The following TMOD3 variants were observed in gnomAD, a reference collection of about 807,000 sequenced individuals.
TMOD3 encodes the protein tropomodulin 3, also known as tropomodulin-3.
Under a neutral mutation model 39.2 loss-of-function variants are expected in TMOD3, and 20 were observed. The ratio of observed to expected loss-of-function variants is 0.51; its 90% confidence interval spans 0.36 to 0.74. The LOEUF is 0.74. TMOD3 is among the 30% of genes least tolerant of loss of function. TMOD3 has a pLI of 0.00. For synonymous variants in TMOD3, 143 were observed against 145.8 expected, an observed-to-expected ratio of 0.98 and a Z score of 0.14; for missense variants, 381 against 412.8, an observed-to-expected ratio of 0.92 and a Z score of 0.67.
chr15:51,842,373 C>T (rs944784279), intron 1 of TMOD3, among the ~76,000 whole-genome samples: 1 of 152,182 alleles, frequency 6.6e-6, no homozygotes, highest in African/African-American at 2.4e-5. Context: ...GTCAACTTTA[C>T]GTATACAGCT....
In TMOD3 at chr15:51,855,362, T is replaced by C. The variant is rs144208032; in HGVS notation, c.-74-7449T>C. 4.0e-3 allele frequency among the ~76,000 whole-genome samples: 611 copies of C among 152,232 alleles called. 6 individuals are homozygous for C. The highest frequency in any genetic ancestry group is 0.014 in the African/African-American group (573 of 41,546). The stretch of plus-strand genomic sequence containing the variant: ...CACTGGGGGTGGGCCCAGGAATCTG[T>C]GTTTTAGCAAGCCCACCAGGAGATT... On this transcript the variant is annotated intron_variant, in intron 1 of 9. Coordinates refer to ENST00000308580, the MANE Select transcript of TMOD3 (RefSeq NM_014547.5).
rs1382698155 is a variant in TMOD3 at position 51,912,133 on chromosome 15, A to T, written c.*3323A>T. 1 of 152,234 alleles carries T rather than the reference A, an allele frequency of 6.6e-6. No homozygotes were observed. Among genetic ancestry groups the T allele is most frequent in the Non-Finnish European group, 1.5e-5 (1 of 68,042 alleles). 9.4% of individuals were successfully genotyped at this position (152,234 alleles called of 1,614,324 possible). On this transcript the variant is annotated 3_prime_UTR_variant, in exon 10 of 10. Coordinates refer to ENST00000308580, the MANE Select transcript of TMOD3 (RefSeq NM_014547.5). ...TCCATGACATAATAAAAATTATTTT[A>T]AAAAATGTTTTGGGCCGGGTGCGGT...
chr15:51,829,685 C>G lies in TMOD3; in HGVS notation c.-226C>G, dbSNP rs1446178925. On this transcript the variant is annotated 5_prime_UTR_variant, in exon 1 of 10. Coordinates refer to ENST00000308580, the MANE Select transcript of TMOD3 (RefSeq NM_014547.5). ...GAACCCACCGCACCTACAGGGCGGTCGAGTGAGGGAGCTGCTGGCGGGTGG... is the reference window on the plus strand; with the variant it reads ...GAACCCACCGCACCTACAGGGCGGTGGAGTGAGGGAGCTGCTGGCGGGTGG... The G allele has an allele frequency of 2.6e-5, 4 of 152,332 alleles. No homozygotes were observed. The highest frequency in any genetic ancestry group is 6.5e-5 in the Admixed American group (1 of 15,278). The allele number at this position is 152,332 out of a possible 1,614,324, so 9.4% of individuals were successfully genotyped here.
intron 3 of TMOD3, among the ~76,000 whole-genome samples, chr15:51,879,964 T>C (rs976556660): frequency 2.6e-5 from 4 of 151,698 alleles, no homozygotes. Context: ...TGCAAGACAT[T>C]GAGAGCACAA....
At chr15:51,892,349 A>C (rs1329769287) in intron 5 of TMOD3, 4 of 152,154 alleles carry the variant, frequency 2.6e-5, no homozygotes, top group Non-Finnish European at 5.9e-5. Context: ...TATCCATAAA[A>C]GTTTACCTAT....
chr15:51,913,056 T>G lies in TMOD3; in HGVS notation c.*4246T>G, dbSNP rs777468131. ...TGGTGCGATCTCAGCTCACTGCAGCTTCCACCTCCCAGATTCAAGTGATTC... is the reference window on the plus strand; with the variant it reads ...TGGTGCGATCTCAGCTCACTGCAGCGTCCACCTCCCAGATTCAAGTGATTC... On this transcript the variant is annotated 3_prime_UTR_variant, in exon 10 of 10. Transcript: ENST00000308580. The G allele has an allele frequency of 2.1e-4, 32 of 152,208 alleles. No homozygotes were observed. Among genetic ancestry groups the G allele is most frequent in the Admixed American group, 1.3e-3 (20 of 15,276 alleles). 9.4% of individuals were successfully genotyped at this position (152,208 alleles called of 1,614,324 possible).
chr15:51,893,718 TC>T lies in TMOD3; in HGVS notation c.497-96del, dbSNP rs2056606489. The T allele has an allele frequency of 3.3e-6, 4 of 1,209,330 alleles. No individual in the cohort carries two copies. In the South Asian group the frequency reaches 9.4e-5, roughly 29 times the overall value. 74.9% of individuals were successfully genotyped at this position (1,209,330 alleles called of 1,614,324 possible). ...AGGCGGAGCTTGCAGTGAGCCGAGA[TC>T]GTGCCACTGCACTCCGGCCTGGGCG... On this transcript the variant is annotated intron_variant, in intron 5 of 9. Coordinates refer to ENST00000308580, the MANE Select transcript of TMOD3 (RefSeq NM_014547.5).
rs183524048 is a variant in TMOD3, at chr15:51,845,884, T to C, written c.-75+16048T>C. On this transcript the variant is annotated intron_variant, in intron 1 of 9. Coordinates refer to ENST00000308580, the MANE Select transcript of TMOD3 (RefSeq NM_014547.5). ...AGCTTGGAGAAGGACTTCGGAGTAA[T>C]CAATCAAGGAGTCAGAAGGTACAGA... 1.8e-3 allele frequency among the ~76,000 whole-genome samples: 267 copies of C among 152,240 alleles called. 1 individual carries two copies. The highest frequency in any genetic ancestry group is 0.016 in the Admixed American group (244 of 15,280).
At chr15:51,870,877 A>G (rs773174551) in intron 3 of TMOD3, among the ~76,000 whole-genome samples, 2 of 152,198 alleles carry the variant, frequency 1.3e-5, no homozygotes, top group Non-Finnish European at 2.9e-5. Context: ...GGGAAGATTT[A>G]CTATTCTTGT....
At chr15:51,897,601 C>T (rs1399138219) in intron 7 of TMOD3, among the ~76,000 whole-genome samples, 3 of 150,348 alleles carry the variant, frequency 2.0e-5, no homozygotes, top group Non-Finnish European at 4.4e-5. Context: ...TCTCCTGCCT[C>T]AGCCTCCTGA....
rs921645817 is a variant in TMOD3 at position 51,911,881 on chromosome 15, A to G, written c.*3071A>G. 1 of 152,218 alleles carries G rather than the reference A, an allele frequency of 6.6e-6. No individual in the cohort carries two copies. The highest frequency in any genetic ancestry group is 1.5e-5 in the Non-Finnish European group (1 of 68,044). The allele number at this position is 152,218 out of a possible 1,614,324, so 9.4% of individuals were successfully genotyped here. A position where few individuals can be genotyped will look rare whatever the true frequency, so the allele number is the denominator to read the frequency against. Reference sequence around the variant, plus strand: ...ACACTTTCAAAGTTGCCTGTCATTTAAAAGACCAAATAAGCATTTTGTATT... The same window carrying G: ...ACACTTTCAAAGTTGCCTGTCATTTGAAAGACCAAATAAGCATTTTGTATT... On this transcript the variant is annotated 3_prime_UTR_variant, in exon 10 of 10. Coordinates refer to ENST00000308580, the MANE Select transcript of TMOD3 (RefSeq NM_014547.5).
At chr15:51,901,645 G>C (rs2056651439) in intron 8 of TMOD3, among the ~76,000 whole-genome samples, 1 of 147,408 alleles carries the variant, frequency 6.8e-6, no homozygotes, top group Admixed American at 6.8e-5. Context: ...GTGATGATTG[G>C]GTCAATGGGT....
In TMOD3 at chr15:51,887,616, C is replaced by T; in HGVS notation, c.311C>T (p.Pro104Leu). The T allele has an allele frequency of 6.2e-7, 1 of 1,613,414 alleles. No homozygotes were observed. The highest frequency in any genetic ancestry group is 8.5e-7 in the Non-Finnish European group (1 of 1,179,814). The stretch of plus-strand genomic sequence containing the variant: ...AAAATATTTATCCCCAAACAGAAAC[C>T]TGTACAGACTTTTACAGAAGAAAAA... ...KGKIFIPKQK[P>L]VQTFTEEKVS... Residue 104 changes from proline (P) to leucine (L), a missense_variant, in exon 4 of 10, where the codon CCT becomes CTT. Physicochemically the swap from Pro to Leu is moderately conservative, Grantham distance 98. Transcript: ENST00000308580.
At chr15:51,897,156 A>G (rs901589478) in intron 7 of TMOD3, among the ~76,000 whole-genome samples, 1 of 152,074 alleles carries the variant, frequency 6.6e-6, no homozygotes, top group Non-Finnish European at 1.5e-5. Flanking sequence ...TATCTCTTCA[A>G]CTTCTAAATA....
intron 3 of TMOD3, among the ~76,000 whole-genome samples, chr15:51,881,272 G>A (rs542553130): frequency 3.3e-5 from 5 of 151,792 alleles, no homozygotes; most frequent in Admixed American, 6.6e-5. Context: ...TCAAATCTTC[G>A]CTTACTTTTA....
At chr15:51,858,687 A>T (rs1385982836) in intron 1 of TMOD3, among the ~76,000 whole-genome samples, 1 of 152,220 alleles carries the variant, frequency 6.6e-6, no homozygotes, top group Non-Finnish European at 1.5e-5. Context: ...GAATAAACCA[A>T]CAAAACTGTA....
chr15:51,853,790 TAA>T (rs74342679), intron 1 of TMOD3, among the ~76,000 whole-genome samples: 7,072 of 126,350 alleles, frequency 0.056, 214 homozygotes, highest in Admixed American at 0.097. Flanking sequence ...CACTGTCTCT[TAA>T]AAAAAAAAAA....
At chr15:51,846,023 A>G (rs1031130363) in intron 1 of TMOD3, among the ~76,000 whole-genome samples, 5 of 152,004 alleles carry the variant, frequency 3.3e-5, no homozygotes, top group Admixed American at 1.3e-4. Flanking sequence ...AAAATTTAAA[A>G]GTACACTACT....
chr15:51,902,636 A>ATT (rs1555388650), intron 9 of TMOD3, among the ~76,000 whole-genome samples: 2 of 114,894 alleles, frequency 1.7e-5, no homozygotes, highest in Non-Finnish European at 3.4e-5. Flanking sequence ...TGCCCAGCTA[A>ATT]TTTTTGTATT....
Sources: gnomAD v4.1 joint callset for allele counts (sites outside exome capture counted in the v4.1 genomes callset) on GRCh38, gnomAD v4.1.1 for gene constraint, MANE v1.5 for transcripts, NCBI Gene and HGNC (gene_info 2026-07-23, HGNC 2026-07-21) for gene names.